The following IGFL2 variants were observed in gnomAD, a reference collection of about 807,000 sequenced individuals.
The protein encoded by IGFL2 is IGF like family member 2.
IGFL2 carries 7 observed loss-of-function variants against 13.9 expected under a neutral mutation model. The ratio of observed to expected loss-of-function variants is 0.51; its 90% CI spans 0.29 to 0.95. IGFL2 has a LOEUF of 0.95. Ranked by LOEUF, IGFL2 falls within the 40% of genes least tolerant of loss-of-function variation. IGFL2 has a pLI of 0.08. For synonymous variants in IGFL2, 55 were observed against 55.8 expected (o/e 0.99, Z 0.07); for missense variants, 138 against 147.8 (o/e 0.93, Z 0.34).
the IGFL2 span, among the ~76,000 whole-genome samples, chr19:46,166,678 C>T: frequency 5.9e-5 from 9 of 152,264 alleles, no homozygotes; most frequent in East Asian, 1.9e-4. Flanking sequence ...AGGTACGCCC[C>T]GGAGGGGTGG....
chr19:46,200,944 A>G, the IGFL2 span: 1 of 152,348 alleles, frequency 6.6e-6, no homozygotes, highest in East Asian at 1.9e-4. Flanking sequence ...TGCAGTGTAC[A>G]CTAACCCATT....
chr19:46,128,695 C>G, the IGFL2 span, among the ~76,000 whole-genome samples: 1 of 152,178 alleles, frequency 6.6e-6, no homozygotes, highest in East Asian at 1.9e-4. Flanking sequence ...GGAATAAAGC[C>G]TGCTTGATCA....
chr19:46,142,757 T>G (rs1972915246), upstream of IGFL2, among the ~76,000 whole-genome samples: 1 of 152,228 alleles, frequency 6.6e-6, no homozygotes, highest in African/African-American at 2.4e-5. Flanking sequence ...AGAGAGCTGC[T>G]GACATTGGCT....
At chr19:46,137,270 A>G in the IGFL2 span, 1 of 1,246,408 alleles carries the variant, frequency 8.0e-7, no homozygotes. Context: ...CTTTCTCAGC[A>G]TGTCAGGATG....
the IGFL2 span, among the ~76,000 whole-genome samples, chr19:46,100,623 A>G: frequency 2.4e-4 from 36 of 152,292 alleles, no homozygotes; most frequent in African/African-American, 8.2e-4. Flanking sequence ...TAAGCTATCA[A>G]TTTGCATTGC....
the IGFL2 span, among the ~76,000 whole-genome samples, chr19:46,115,442 G>T: frequency 1.3e-5 from 2 of 152,164 alleles, no homozygotes; most frequent in Non-Finnish European, 2.9e-5. Flanking sequence ...GAAATGCAGC[G>T]AATCACTGGA....
the IGFL2 span, chr19:46,211,503 T>G: frequency 2.6e-5 from 4 of 152,124 alleles, no homozygotes; most frequent in African/African-American, 9.7e-5. Flanking sequence ...GGAGGGAGAT[T>G]CCTTCTATTT....
chr19:46,124,095 G>A, the IGFL2 span: 1 of 1,611,400 alleles, frequency 6.2e-7, no homozygotes, highest in Non-Finnish European at 8.5e-7. Context: ...AAGGGTTGTA[G>A]ATCTTGTTCC....
the IGFL2 span, among the ~76,000 whole-genome samples, chr19:46,168,908 G>A: frequency 1.6e-5 from 2 of 127,292 alleles, no homozygotes; most frequent in African/African-American, 5.6e-5. Flanking sequence ...GAGTGTGTGT[G>A]TGTGTGTATG....
the IGFL2 span, among the ~76,000 whole-genome samples, chr19:46,083,527 G>A: frequency 0.013 from 2,050 of 152,254 alleles, 32 homozygotes; most frequent in Middle Eastern, 0.027. Context: ...AGGAGAGGAG[G>A]TGCGATGAGA....
rs547531984 is a variant in IGFL2, at chr19:46,153,527, A to G, written c.19+5230A>G. Among the ~76,000 whole-genome samples the G allele has an allele frequency of 3.1e-4, 47 of 152,026 alleles. No individual in the cohort carries two copies. In the Middle Eastern group the frequency reaches 0.024, roughly 77 times the overall value. ...GATCTTTTGCCCCTTTTAAAATCAG[A>G]TTCTTTATTTTTCCCAGCAATACAA... On this transcript the variant is annotated intron_variant, in intron 1 of 3. Transcript: ENST00000377693.
At chr19:46,143,447 A>T (rs1461027320), upstream of IGFL2, among the ~76,000 whole-genome samples, 2 of 145,116 alleles carry the variant, frequency 1.4e-5, no homozygotes. Context: ...GTTACCTAGG[A>T]TGGAGTGCAG....
upstream of IGFL2, among the ~76,000 whole-genome samples, chr19:46,138,983 A>G (rs1972732734): frequency 6.6e-6 from 1 of 151,768 alleles, no homozygotes; most frequent in Non-Finnish European, 1.5e-5. Flanking sequence ...GTCCCTGCCA[A>G]CTCTCCAAGC....
Position 46,149,035 on chromosome 19 carries a change from TG to T in IGFL2, c.19+741del, listed in dbSNP as rs758151146. 15 of 1,605,290 alleles carry T rather than the reference TG, an allele frequency of 9.3e-6. No individual in the cohort carries two copies. In the African/African-American group the frequency reaches 1.9e-4, roughly 20 times the overall value. ...AGGACCGACTACCCCAGGAGTGTGC[TG>T]GGTAAGTAAGGGCAGCCCAGGCAGT... On this transcript the variant is annotated intron_variant, in intron 1 of 3. Transcript: ENST00000377693.
At chr19:46,198,958 C>CTT in the IGFL2 span, among the ~76,000 whole-genome samples, 1,415 of 152,338 alleles carry the variant, frequency 9.3e-3, 27 homozygotes, top group East Asian at 0.068. Flanking sequence ...AAGAGAGAGC[C>CTT]TTTGAGAGTG....
the IGFL2 span, among the ~76,000 whole-genome samples, chr19:46,129,583 T>C: frequency 6.6e-6 from 1 of 152,100 alleles, no homozygotes; most frequent in African/African-American, 2.4e-5. Flanking sequence ...TGGTTTCAAA[T>C]AGCTTCTTGA....
the IGFL2 span, among the ~76,000 whole-genome samples, chr19:46,121,549 T>G: frequency 6.7e-6 from 1 of 149,048 alleles, no homozygotes; most frequent in East Asian, 2.0e-4. Flanking sequence ...GAAAGAAAAA[T>G]TGAGGAATTA....
At chr19:46,152,719 T>A (rs1445831927) in intron 1 of IGFL2, among the ~76,000 whole-genome samples, 1 of 152,178 alleles carries the variant, frequency 6.6e-6, no homozygotes, top group East Asian at 1.9e-4. Context: ...TTGAATAGAG[T>A]GGTAAGAGTG....
At chr19:46,094,763 A>G in the IGFL2 span, among the ~76,000 whole-genome samples, 17 of 152,246 alleles carry the variant, frequency 1.1e-4, no homozygotes, top group South Asian at 6.2e-4. Context: ...CTCACTTACA[A>G]GTGAGAACAT....
Sources: allele counts gnomAD v4.1 joint callset (sites outside exome capture counted in the v4.1 genomes callset), GRCh38; gene constraint gnomAD v4.1.1; transcripts MANE v1.5; gene names NCBI Gene and HGNC (gene_info 2026-07-23, HGNC 2026-07-21).